Variants in TECPR1 observed in about 807,000 individuals in gnomAD.
TECPR1 encodes the protein tectonin beta-propeller repeat containing 1.
Under a neutral mutation model 162.4 loss-of-function variants are expected in TECPR1, and 122 were observed. That is an observed-to-expected ratio of 0.75 (90% confidence interval 0.65 to 0.87). TECPR1 has a LOEUF of 0.87. Ranked by LOEUF, TECPR1 falls within the 40% of genes least tolerant of loss-of-function variation. The pLI is 0.00. For missense variants in TECPR1, 1,432 were observed against 1,618.2 expected (o/e 0.88, Z 1.97); for synonymous variants, 642 against 670.6 (o/e 0.96, Z 0.66).
At chr7:98,235,939 G>A (rs576050735) in intron 10 of TECPR1, among the ~76,000 whole-genome samples, 53 of 152,016 alleles carry the variant, frequency 3.5e-4, no homozygotes, top group African/African-American at 1.1e-3. Flanking sequence ...CTGACAGCAC[G>A]GCAGGGTGGC....
In TECPR1 at chr7:98,232,892, G is replaced by C. The variant is rs372759107; in HGVS notation, c.1753C>G (p.Gln585Glu). The C allele has an allele frequency of 1.2e-6, 2 of 1,612,972 alleles. No homozygotes were observed. Among genetic ancestry groups the C allele is most frequent in the Non-Finnish European group, 1.7e-6 (2 of 1,179,806 alleles). Residue 585 changes from glutamine (Q) to glutamate (E), a missense_variant, in exon 12 of 26, where the codon CAG becomes GAG. Physicochemically the swap from Gln to Glu is conservative, Grantham distance 29. Transcript: ENST00000447648. The surrounding 1 kb of genome is among the most constrained non-coding windows in gnomAD (Gnocchi z 4.6). ...TCCCGCTTGGTCCTTTCCGTGAGCT[G>C]CTGGAAGATCTGCTTCCTCCAGGCA... is the stretch of plus-strand genomic sequence containing the variant. Reference protein sequence around the residue: ...TAAWRKQIFQQLTERTKRELE... With the variant: ...TAAWRKQIFQELTERTKRELE...
rs988513337 is a variant in TECPR1 at position 98,244,485 on chromosome 7, A to G, written c.531+86T>C. 8.6e-6 allele frequency: 13 copies of G among 1,511,482 alleles called. No individual in the cohort carries two copies. The African/African-American group carries it at 1.8e-4, about 21-fold the overall frequency. The allele number at this position is 1,511,482 out of a possible 1,614,324, so 93.6% of individuals were successfully genotyped here. A position where few individuals can be genotyped will look rare whatever the true frequency, so the allele number is the denominator to read the frequency against. The stretch of plus-strand genomic sequence containing the variant: ...GTGGGCGTGGTGTCCCCTGGTGCAC[A>G]CAGGTGGGGAAGGTGGAGAGGAGGC... On this transcript the variant is annotated intron_variant, in intron 5 of 25. Transcript: ENST00000447648.
intron 6 of TECPR1, among the ~76,000 whole-genome samples, chr7:98,242,447 A>T (rs1798774496): frequency 1.3e-5 from 2 of 151,054 alleles, no homozygotes; most frequent in African/African-American, 4.9e-5. Context: ...CCATCCACAC[A>T]TCTGTCCACC....
rs1562943058 is a variant in TECPR1, at chr7:98,241,419, T to C, written c.658-175A>G. 3 of 735,820 alleles carry C rather than the reference T, an allele frequency of 4.1e-6. No individual in the cohort carries two copies. Among genetic ancestry groups the C allele is most frequent in the South Asian group, 1.9e-5 (1 of 53,118 alleles). The allele number at this position is 735,820 out of a possible 1,614,324, so 45.6% of individuals were successfully genotyped here. ...CCTGGATTCCGGTGGTCCTGAGGGA[T>C]ACACTTGTTCCATTCATCTGTTTGG... On this transcript the variant is annotated intron_variant, in intron 6 of 25. Coordinates refer to ENST00000447648, the MANE Select transcript of TECPR1 (RefSeq NM_015395.3). This position sits in a 1 kb window ranked among gnomAD's most constrained non-coding sequence, Gnocchi z 5.0.
rs775403896 is a variant in TECPR1, at chr7:98,222,998, T to C, written c.2920A>G (p.Asn974Asp). 7 of 1,611,758 alleles carry C rather than the reference T, an allele frequency of 4.3e-6. No individual in the cohort carries two copies. Among genetic ancestry groups the C allele is most frequent in the Non-Finnish European group, 8.5e-7 (1 of 1,179,594 alleles). Residue 974 changes from asparagine to aspartate, a missense_variant, in exon 21 of 26, where the codon AAC becomes GAC. Asn to Asp is a conservative substitution (Grantham distance 23). Transcript: ENST00000447648. Reference sequence around the variant, plus strand: ...CTGGCCCCGGCACTCACCGCAGGGTTGAGCTCCGACACGCCCAGGCGGCAC... The same window carrying C: ...CTGGCCCCGGCACTCACCGCAGGGTCGAGCTCCGACACGCCCAGGCGGCAC... The part of the protein sequence containing the change: ...VLCRLGVSEL[N>D]PAGSSWLHVG...
chr7:98,229,247 C>T, intron 15 of TECPR1, 81 bp from the exon 16 acceptor site: 2 of 1,494,586 alleles, frequency 1.3e-6, no homozygotes, highest in Non-Finnish European at 1.8e-6. Flanking sequence ...TGTTCCGTGT[C>T]CTCCTGTGGT....
chr7:98,231,715 C>T (rs1049855416), intron 13 of TECPR1, 89 bp downstream of exon 13: 1 of 1,496,996 alleles, frequency 6.7e-7, no homozygotes, highest in Non-Finnish European at 9.1e-7. Context: ...GTACCCCTCC[C>T]CTGGGCACCC....
rs764897072 is a variant in TECPR1, at chr7:98,236,810, G to A, written c.1147C>T (p.Arg383Trp). 31 of 1,588,848 alleles carry A rather than the reference G, an allele frequency of 2.0e-5. No homozygotes were observed. Among genetic ancestry groups the A allele is most frequent in the South Asian group, 4.6e-5 (4 of 87,090 alleles). The change falls in exon 10 of 26, where the codon CGG becomes TGG. Residue 383 changes from arginine to tryptophan, a missense_variant. By Grantham distance (101) the Arg-to-Trp change is moderately radical. Transcript: ENST00000447648. ...KAIIAARECD[R>W]SHSGSSSSLL... is the part of the protein sequence containing the mutation. ...CTAGACGAGCTGCCAGAGTGTGACCGGTCACACTCTCGGGCCGCGATGATG... is the reference window on the plus strand; with the variant it reads ...CTAGACGAGCTGCCAGAGTGTGACCAGTCACACTCTCGGGCCGCGATGATG...
At position 98,229,143 on chromosome 7, in the gene TECPR1, T is replaced by TG. The variant is rs1562936396; in HGVS notation, c.2305dup (p.His769ProfsTer19). 4 of 1,562,364 alleles carry TG rather than the reference T, an allele frequency of 2.6e-6. No homozygotes were observed. The highest frequency in any genetic ancestry group is 1.7e-4 in the Middle Eastern group (1 of 6,004). The stretch of plus-strand genomic sequence containing the variant: ...GCTGTTGGCCTCCACCATCCGCAGG[T>TG]GGCCTCCCATCTGCCGCCAAAACCT... On this transcript the variant is annotated frameshift_variant, in exon 16 of 26. Transcript: ENST00000447648. LOFTEE classifies it high-confidence loss of function.
chr7:98,229,564 C>T (rs983668732), intron 15 of TECPR1, among the ~76,000 whole-genome samples: 4 of 152,204 alleles, frequency 2.6e-5, no homozygotes, highest in African/African-American at 4.8e-5. Context: ...TGTCACAGAG[C>T]AGAGCCGGAC....
intron 16 of TECPR1, chr7:98,228,385 C>T (rs946540837): frequency 2.5e-5 from 11 of 437,222 alleles, no homozygotes; most frequent in East Asian, 4.4e-5. Flanking sequence ...ACCCCTCCAG[C>T]GCCTCTTCCC....
At chr7:98,246,832 C>T (rs1346468224) in intron 2 of TECPR1, among the ~76,000 whole-genome samples, 1 of 152,072 alleles carries the variant, frequency 6.6e-6, no homozygotes, top group African/African-American at 2.4e-5. Context: ...ATCCACCTGC[C>T]TCTGCCTCCC....
chr7:98,250,705 C>T (rs1056640461), intron 2 of TECPR1, among the ~76,000 whole-genome samples: 1 of 152,174 alleles, frequency 6.6e-6, no homozygotes, highest in South Asian at 2.1e-4. Flanking sequence ...ACTGGATAAG[C>T]AAGCAGTTTA....
chr7:98,224,713 T>C, intron 19 of TECPR1, 88 bp downstream of exon 19: 1 of 1,309,000 alleles, frequency 7.6e-7, no homozygotes, highest in Non-Finnish European at 1.1e-6. Context: ...GGGTTCAGCC[T>C]GGAAGAGCAG....
At chr7:98,223,997 G>T (rs13231773) in intron 19 of TECPR1, among the ~76,000 whole-genome samples, 2 of 152,012 alleles carry the variant, frequency 1.3e-5, no homozygotes, top group Non-Finnish European at 2.9e-5. Context: ...TGGGGAAGGG[G>T]GTCGGGCCTC....
Position 98,231,906 on chromosome 7 carries a change from G to A in TECPR1, c.1872C>T (p.His624=), listed in dbSNP as rs755442626. ...GGGCCAAGCGCACGTCCACCCACTT[G>A]TGGGGCTTCCAGTCGCACCACCACT... The part of the protein sequence containing the change: ...ALQWWCDWKP[H]KWVDVRLALE... Residue 624 remains histidine (H), a synonymous_variant, in exon 13 of 26, where the codon CAC becomes CAT. Coordinates refer to ENST00000447648, the MANE Select transcript of TECPR1 (RefSeq NM_015395.3). 2.5e-6 allele frequency: 4 copies of A among 1,611,130 alleles called. No homozygotes were observed. Among genetic ancestry groups the A allele is most frequent in the Non-Finnish European group, 3.4e-6 (4 of 1,179,800 alleles).
chr7:98,240,153 G>A (rs769492099), intron 8 of TECPR1, among the ~76,000 whole-genome samples: 2 of 151,960 alleles, frequency 1.3e-5, no homozygotes, highest in African/African-American at 2.4e-5. Context: ...ATCGGAAATC[G>A]GCTGGTTTTA....
chr7:98,231,447 C>G, intron 13 of TECPR1, 74 bp from the exon 14 acceptor site: 1 of 1,483,618 alleles, frequency 6.7e-7, no homozygotes, highest in Non-Finnish European at 9.1e-7. Flanking sequence ...CCCCACTGTG[C>G]TTCACCCTGG....
chr7:98,224,936 A>C, intron 18 of TECPR1, 56 bp from the exon 19 acceptor site: 2 of 1,546,584 alleles, frequency 1.3e-6, no homozygotes, highest in Non-Finnish European at 8.7e-7. Flanking sequence ...GGCAGTCAGA[A>C]CACTCGAGGA....
Sources: allele counts gnomAD v4.1 joint callset (sites outside exome capture counted in the v4.1 genomes callset), GRCh38; gene constraint gnomAD v4.1.1; non-coding constraint Gnocchi (gnomAD v3.1); transcripts MANE v1.5; gene names NCBI Gene and HGNC (gene_info 2026-07-23, HGNC 2026-07-21).